The following PTER variants were observed in gnomAD, a reference collection of about 807,000 sequenced individuals.
PTER encodes phosphotriesterase related.
In PTER, 38 loss-of-function variants were observed where a neutral mutation model predicts 29.6. That is an observed-to-expected ratio of 1.28 (90% CI 0.99 to 1.68). PTER has a LOEUF of 1.68. Among genes scored for constraint, PTER ranks in the 40% most tolerant of loss-of-function variants. The pLI, the probability that PTER is intolerant of heterozygous loss-of-function variation, is 0.00. For missense variants in PTER, 482 were observed against 427.8 expected (o/e 1.13, Z -1.12); for synonymous variants, 172 against 154.5 (o/e 1.11, Z -0.84).
chr10:16,456,862 TG>T (rs10682284), intron 1 of PTER, among the ~76,000 whole-genome samples: 26 of 113,658 alleles, frequency 2.3e-4, no homozygotes, highest in Non-Finnish European at 4.1e-4. Context: ...ATGGGGAAGG[TG>T]GGGGGGGGTT....
chr10:16,465,895 T>G (rs1834792849), intron 1 of PTER, among the ~76,000 whole-genome samples: 2 of 152,036 alleles, frequency 1.3e-5, no homozygotes, highest in African/African-American at 4.8e-5. Flanking sequence ...GAAAACTGCC[T>G]CATAAAACCA....
chr10:16,450,835 TACAGAGTC>T (rs1834180755), intron 1 of PTER, among the ~76,000 whole-genome samples: 1 of 152,228 alleles, frequency 6.6e-6, no homozygotes, highest in South Asian at 2.1e-4. Flanking sequence ...AGGTATTATG[TACAGAGTC>T]ACTAAACCCC....
chr10:16,440,033 G>C (rs1833790426), intron 1 of PTER, among the ~76,000 whole-genome samples: 2 of 150,046 alleles, frequency 1.3e-5, no homozygotes, highest in African/African-American at 4.9e-5. Context: ...GTTGTTTCTA[G>C]TGTATTTTCA....
At chr10:16,464,162 A>G (rs1834724894) in intron 1 of PTER, among the ~76,000 whole-genome samples, 2 of 152,346 alleles carry the variant, frequency 1.3e-5, no homozygotes, top group East Asian at 1.9e-4. Flanking sequence ...TAATGAAACC[A>G]GCAATATAGA....
At position 16,511,343 on chromosome 10, in the gene PTER, T is replaced by A; in HGVS notation, c.*87T>A. 8 of 1,219,318 alleles carry A rather than the reference T, an allele frequency of 6.6e-6. No homozygotes were observed. Among genetic ancestry groups the A allele is most frequent in the Non-Finnish European group, 9.6e-6 (8 of 835,832 alleles). The allele number at this position is 1,219,318 out of a possible 1,614,324, so 75.5% of individuals were successfully genotyped here. ...CAGTCCACTGTGAGATATTAATCAG[T>A]TACCTAGGACTAATGACAGATCATT... is the stretch of plus-strand genomic sequence containing the variant. On this transcript the variant is annotated 3_prime_UTR_variant, in exon 5 of 5. Coordinates refer to ENST00000535784, the MANE Select transcript of PTER (RefSeq NM_001261836.2).
intron 4 of PTER, among the ~76,000 whole-genome samples, chr10:16,505,472 A>G (rs1201327564): frequency 4.6e-5 from 7 of 152,304 alleles, no homozygotes; most frequent in African/African-American, 1.4e-4. Context: ...ATTTTCCTCT[A>G]TTTACCCCTA....
chr10:16,469,135 G>A (rs1156678821), intron 1 of PTER, among the ~76,000 whole-genome samples: 2 of 152,146 alleles, frequency 1.3e-5, no homozygotes, highest in Non-Finnish European at 2.9e-5. Flanking sequence ...GCTGAAGGCC[G>A]AGTAGAAGTT....
chr10:16,488,609 A>ATG lies in PTER; in HGVS notation c.698+1992_698+1993insTG, dbSNP rs1835787910. Among the ~76,000 whole-genome samples the ATG allele has an allele frequency of 4.1e-5, 6 of 146,586 alleles. No individual in the cohort carries two copies. In the South Asian group the frequency reaches 6.3e-4, roughly 15 times the overall value. On this transcript the variant is annotated intron_variant, in intron 3 of 4. Coordinates refer to ENST00000535784, the MANE Select transcript of PTER (RefSeq NM_001261836.2). ...TAAATATATATATATATATGGAGAG[A>ATG]GAGAGAGAGAGAGAGAGAGTCTGTC... is the stretch of plus-strand genomic sequence containing the variant.
At chr10:16,446,867 C>T (rs1223586709) in intron 1 of PTER, among the ~76,000 whole-genome samples, 1 of 152,050 alleles carries the variant, frequency 6.6e-6, no homozygotes, top group Non-Finnish European at 1.5e-5. Flanking sequence ...CGGCTTGCTG[C>T]AACCTCTGCC....
intron 1 of PTER, among the ~76,000 whole-genome samples, chr10:16,476,472 T>A (rs1253569991): frequency 6.6e-6 from 1 of 152,188 alleles, no homozygotes; most frequent in Non-Finnish European, 1.5e-5. Context: ...ATATTCCAGT[T>A]TTCAAGTGAG....
At chr10:16,443,900 A>C (rs957220166) in intron 1 of PTER, among the ~76,000 whole-genome samples, 1 of 152,146 alleles carries the variant, frequency 6.6e-6, no homozygotes, top group Admixed American at 6.6e-5. Context: ...TCTTGTGCTC[A>C]TCTTGCTTAA....
intron 4 of PTER, among the ~76,000 whole-genome samples, chr10:16,506,296 G>A (rs1836560346): frequency 6.6e-6 from 1 of 152,108 alleles, no homozygotes; most frequent in Admixed American, 6.5e-5. Context: ...AGGGAAGCAA[G>A]GAGATGGGTC....
In PTER at chr10:16,459,146, CA is replaced by C. The variant is rs1834515805; in HGVS notation, c.-49+22101del. Among the ~76,000 whole-genome samples the C allele has an allele frequency of 2.0e-5, 3 of 152,172 alleles. No homozygotes were observed. In the South Asian group the frequency reaches 6.2e-4, roughly 32 times the overall value. On this transcript the variant is annotated intron_variant, in intron 1 of 4. Coordinates refer to ENST00000535784, the MANE Select transcript of PTER (RefSeq NM_001261836.2). ...TTTTTCTTCAAAAATTTGCATTCTA[CA>C]ACACTTTTAAAACCCACTTAGTGAT...
intron 3 of PTER, among the ~76,000 whole-genome samples, chr10:16,494,556 A>G (rs2133474268): frequency 6.6e-6 from 1 of 152,354 alleles, no homozygotes; most frequent in South Asian, 2.1e-4. Context: ...CCGTGCAAAA[A>G]GAATCCCATA....
chr10:16,500,309 G>T (rs1048900502), intron 3 of PTER, among the ~76,000 whole-genome samples: 7 of 151,296 alleles, frequency 4.6e-5, no homozygotes, highest in African/African-American at 1.2e-4. Flanking sequence ...GAGTGCAGCA[G>T]TGCGACCATA....
At chr10:16,443,104 C>T (rs57033438) in intron 1 of PTER, among the ~76,000 whole-genome samples, 7,121 of 152,174 alleles carry the variant, frequency 0.047, 263 homozygotes, top group East Asian at 0.18. Flanking sequence ...CACAAAATAC[C>T]ACAAACTGGG....
chr10:16,454,964 C>T (rs1410344724), intron 1 of PTER, among the ~76,000 whole-genome samples: 1 of 152,190 alleles, frequency 6.6e-6, no homozygotes, highest in Non-Finnish European at 1.5e-5. Flanking sequence ...TGCAGTGGCT[C>T]ATGCCTGTGA....
intron 1 of PTER, among the ~76,000 whole-genome samples, chr10:16,448,418 A>G (rs983769852): frequency 2.0e-5 from 3 of 152,156 alleles, no homozygotes; most frequent in South Asian, 2.1e-4. Flanking sequence ...CAAATGAGGA[A>G]CGTGTTACCT....
At chr10:16,450,038 C>CT (rs1254597866) in intron 1 of PTER, among the ~76,000 whole-genome samples, 2 of 152,196 alleles carry the variant, frequency 1.3e-5, no homozygotes, top group East Asian at 3.8e-4. Context: ...GCTGATCCAA[C>CT]TTTATGTTCC....
Sources: allele counts gnomAD v4.1 joint callset (sites outside exome capture counted in the v4.1 genomes callset), GRCh38; gene constraint gnomAD v4.1.1; transcripts MANE v1.5; gene names NCBI Gene and HGNC (gene_info 2026-07-23, HGNC 2026-07-21).